The following FASTKD2 variants were observed in gnomAD, a reference collection of about 807,000 sequenced individuals.
The protein encoded by FASTKD2 is FAST kinase domain-containing protein 2, mitochondrial.
A neutral mutation model predicts 63.6 loss-of-function variants in FASTKD2; 51 were observed. The ratio of observed to expected loss-of-function variants is 0.80; its 90% confidence interval spans 0.64 to 1.01. The LOEUF (loss-of-function observed/expected upper bound fraction) is 1.01, where lower values mean the gene tolerates loss of function less well. Among genes scored for constraint, FASTKD2 ranks in the 50% least tolerant of loss-of-function variants. The probability of loss-of-function intolerance (pLI) is 0.00; values close to 1 mark genes in which losing one functional copy is unlikely to be tolerated. For synonymous variants in FASTKD2, 284 were observed against 293.4 expected, an observed-to-expected ratio of 0.97 and a Z score of 0.33; for missense variants, 786 against 831.1, an observed-to-expected ratio of 0.95 and a Z score of 0.67.
intron 7 of FASTKD2, among the ~76,000 whole-genome samples, chr2:206,776,067 T>A (rs1190420336): frequency 6.6e-6 from 1 of 151,770 alleles, no homozygotes; most frequent in Non-Finnish European, 1.5e-5. Context: ...TGCCTATTTT[T>A]AAATCATATT....
chr2:206,785,552 T>G (rs2105985044), intron 7 of FASTKD2, among the ~76,000 whole-genome samples: 1 of 152,196 alleles, frequency 6.6e-6, no homozygotes, highest in South Asian at 2.1e-4. Context: ...TGCTGAAGCA[T>G]GAGGTACAGG....
chr2:206,781,744 C>T (rs898790740), intron 7 of FASTKD2, among the ~76,000 whole-genome samples: 3 of 148,790 alleles, frequency 2.0e-5, no homozygotes, highest in Non-Finnish European at 4.4e-5. Context: ...GTACTACAGT[C>T]GGGGACATAG....
chr2:206,767,306 C>A lies in FASTKD2; in HGVS notation c.613C>A (p.Arg205=). 5.6e-6 allele frequency: 9 copies of A among 1,614,132 alleles called. No homozygotes were observed. The highest frequency in any genetic ancestry group is 7.6e-6 in the Non-Finnish European group (9 of 1,180,022). ...LSDDQKRFEK[R]LMFSHPAFNQ... Reference sequence around the variant, plus strand: ...TGATGACCAGAAGCGCTTTGAAAAACGACTGATGTTTAGCCACCCTGCATT... The same window carrying A: ...TGATGACCAGAAGCGCTTTGAAAAAAGACTGATGTTTAGCCACCCTGCATT... The change falls in exon 2 of 12, where the codon CGA becomes AGA. Residue 205 remains arginine (R), a synonymous_variant. Coordinates refer to ENST00000402774, the MANE Select transcript of FASTKD2 (RefSeq NM_001136193.2).
At chr2:206,790,712 T>C in intron 11 of FASTKD2, 26 bp downstream of exon 11, 1 of 1,289,268 alleles carries the variant, frequency 7.8e-7, no homozygotes, top group Non-Finnish European at 1.1e-6. Flanking sequence ...AAATGAAATA[T>C]TCTTTAATTA....
At chr2:206,769,750 C>T (rs1448687770) in intron 2 of FASTKD2, among the ~76,000 whole-genome samples, 1 of 152,116 alleles carries the variant, frequency 6.6e-6, no homozygotes, top group Non-Finnish European at 1.5e-5. Context: ...CTGTTTTTGC[C>T]TTTGTAATGA....
rs758121346 is a variant in FASTKD2, at chr2:206,774,269, TGTTG to T, written c.1303_1306del (p.Gly435Ter). 1 of 1,612,002 alleles carries T rather than the reference TGTTG, an allele frequency of 6.2e-7. No individual in the cohort carries two copies. Among genetic ancestry groups the T allele is most frequent in the Non-Finnish European group, 8.5e-7 (1 of 1,178,558 alleles). ...TATTTGAAAACCTTGGCTTTCGACC[TGTTG>T]GTTTAATGGACCTGTTTATGAAGAG... On this transcript the variant is annotated frameshift_variant, in exon 7 of 12. Coordinates refer to ENST00000402774, the MANE Select transcript of FASTKD2 (RefSeq NM_001136193.2). LOFTEE classifies it high-confidence loss of function.
intron 7 of FASTKD2, among the ~76,000 whole-genome samples, chr2:206,779,482 T>C (rs1689911320): frequency 6.6e-6 from 1 of 152,158 alleles, no homozygotes; most frequent in African/African-American, 2.4e-5. Context: ...CTTACAATTA[T>C]GGCGGAAGGC....
intron 10 of FASTKD2, chr2:206,789,435 T>C (rs1690224569): frequency 6.4e-6 from 1 of 155,850 alleles, no homozygotes; most frequent in Admixed American, 6.4e-5. Context: ...GGGAGAAATA[T>C]GATGCTATAC....
rs1283829763 is a variant in FASTKD2 at position 206,794,512 on chromosome 2, A to G, written c.*2710A>G. 1.3e-5 allele frequency among the ~76,000 whole-genome samples: 2 copies of G among 152,140 alleles called. No individual in the cohort carries two copies. The highest frequency in any genetic ancestry group is 2.9e-5 in the Non-Finnish European group (2 of 68,028). On this transcript the variant is annotated 3_prime_UTR_variant, in exon 12 of 12. Coordinates refer to ENST00000402774, the MANE Select transcript of FASTKD2 (RefSeq NM_001136193.2). The stretch of plus-strand genomic sequence containing the variant: ...TGCCTCAGCTTCTCAAGTAGATAGG[A>G]CTGATTATAGGTACAGGCTACTGTG...
intron 4 of FASTKD2, among the ~76,000 whole-genome samples, chr2:206,771,674 A>G (rs1045874934): frequency 1.3e-5 from 2 of 150,372 alleles, no homozygotes; most frequent in Non-Finnish European, 3.0e-5. Context: ...AAAAAAAAAA[A>G]AAAAATCAAA....
chr2:206,766,069 G>A (rs577217657), intron 1 of FASTKD2, among the ~76,000 whole-genome samples: 18 of 151,968 alleles, frequency 1.2e-4, no homozygotes, highest in African/African-American at 4.1e-4. Flanking sequence ...GGACCAGCCT[G>A]GCCAACATGG....
intron 8 of FASTKD2, 43 bp downstream of exon 8, chr2:206,786,942 CTG>C: frequency 3.9e-6 from 4 of 1,024,878 alleles, no homozygotes; most frequent in African/African-American, 1.6e-5. Flanking sequence ...GTGACCAATT[CTG>C]CACTACCACT....
rs762542388 is a variant in FASTKD2 at position 206,791,766 on chromosome 2, TC to T, written c.2099del (p.Pro700LeufsTer5). 1 of 1,613,112 alleles carries T rather than the reference TC, an allele frequency of 6.2e-7. No homozygotes were observed. The highest frequency in any genetic ancestry group is 1.3e-5 in the African/African-American group (1 of 75,028). On this transcript the variant is annotated frameshift_variant, in exon 12 of 12. Transcript: ENST00000402774. LOFTEE classifies it high-confidence loss of function. ...CTAAAATCTATTCAGTAGAAGCTCT[TC>T]CTGTTGCTGCTGTAAATGTGCAAAG... ...KTKIYSVEAL[P>X]VAAVNVQSTQ
intron 2 of FASTKD2, 47 bp downstream of exon 2, chr2:206,767,517 A>AT (rs1191446133): frequency 6.7e-7 from 1 of 1,485,474 alleles, no homozygotes; most frequent in Non-Finnish European, 9.3e-7. Context: ...GATTTAGAAT[A>AT]TTTTGAAAGA....
intron 5 of FASTKD2, 29 bp downstream of exon 5, chr2:206,772,046 C>A: frequency 6.2e-7 from 1 of 1,611,280 alleles, no homozygotes; most frequent in South Asian, 1.1e-5. Context: ...TCATCATTTG[C>A]AATACCTGAG....
Position 206,788,040 on chromosome 2 carries a change from G to A in FASTKD2, c.1698G>A (p.Pro566=), listed in dbSNP as rs151258385. The A allele has an allele frequency of 1.9e-5, 31 of 1,613,720 alleles. No homozygotes were observed. The highest frequency in any genetic ancestry group is 1.7e-4 in the Middle Eastern group (1 of 6,054). ...RDIALSLPQL[P]RELPSSHTNA... ...TAGCCTTGTCACTCCCACAGCTGCC[G>A]CGGGAGCTGCCATCGTCACATACAA... Residue 566 remains proline, a synonymous_variant, in exon 9 of 12, where the codon CCG becomes CCA. Coordinates refer to ENST00000402774, the MANE Select transcript of FASTKD2 (RefSeq NM_001136193.2).
In FASTKD2 at chr2:206,766,629, C is replaced by A; in HGVS notation, c.-50-15C>A. 7.5e-7 allele frequency: 1 copy of A among 1,325,630 alleles called. No homozygotes were observed. Among genetic ancestry groups the A allele is most frequent in the Non-Finnish European group, 1.1e-6 (1 of 919,246 alleles). The allele number at this position is 1,325,630 out of a possible 1,614,324, so 82.1% of individuals were successfully genotyped here. A position where few individuals can be genotyped will look rare whatever the true frequency, so the allele number is the denominator to read the frequency against. On this transcript the variant is annotated splice_polypyrimidine_tract_variant and intron_variant, in intron 1 of 11. Coordinates refer to ENST00000402774, the MANE Select transcript of FASTKD2 (RefSeq NM_001136193.2). ...GTTTTAATTTTTATTCTTTTCATTA[C>A]TTCTTCCCCTACAGGAAAACGACAG... is the stretch of plus-strand genomic sequence containing the variant.
In FASTKD2 at chr2:206,795,563, C is replaced by A. The variant is rs1690427299; in HGVS notation, c.*3761C>A. 6.6e-6 allele frequency among the ~76,000 whole-genome samples: 1 copy of A among 152,158 alleles called. No homozygotes were observed. The highest frequency in any genetic ancestry group is 6.5e-5 in the Admixed American group (1 of 15,274). On this transcript the variant is annotated 3_prime_UTR_variant, in exon 12 of 12. Coordinates refer to ENST00000402774, the MANE Select transcript of FASTKD2 (RefSeq NM_001136193.2). ...TGGCTATCTCTTAACACACTTGTAA[C>A]CCATTTGTGCACACAGGTGTGCCGT...
chr2:206,778,146 A>G (rs1388647718), intron 7 of FASTKD2, among the ~76,000 whole-genome samples: 1 of 150,746 alleles, frequency 6.6e-6, no homozygotes, highest in Non-Finnish European at 1.5e-5. Flanking sequence ...TGTCTATTTT[A>G]TTTATTTCTG....
Sources: gnomAD v4.1 joint callset for allele counts (sites outside exome capture counted in the v4.1 genomes callset) on GRCh38, gnomAD v4.1.1 for gene constraint, MANE v1.5 for transcripts, NCBI Gene and HGNC (gene_info 2026-07-23, HGNC 2026-07-21) for gene names.